Variants in ARPC4 observed in about 807,000 individuals in gnomAD.
ARPC4 encodes the protein actin related protein 2/3 complex subunit 4, also known as actin-related protein 2/3 complex subunit 4.
Under a neutral mutation model 22.8 loss-of-function variants are expected in ARPC4, and 3 were observed. The ratio of observed to expected loss-of-function variants is 0.13; its 90% CI spans 0.06 to 0.34. The LOEUF (loss-of-function observed/expected upper bound fraction) is 0.34, where lower values mean the gene tolerates loss of function less well. ARPC4 is among the 10% of genes least tolerant of loss of function. The pLI, the probability that ARPC4 is intolerant of heterozygous loss-of-function variation, is 1.00. For missense variants in ARPC4, 98 were observed against 211.0 expected (o/e 0.46, Z 3.32); for synonymous variants, 80 against 72.5 (o/e 1.10, Z -0.52).
upstream of ARPC4, chr3:9,792,875 T>A: frequency 7.2e-7 from 1 of 1,385,848 alleles, no homozygotes; most frequent in Non-Finnish European, 9.3e-7. Flanking sequence ...AAAGGGAAGC[T>A]GCACCCATTC....
At chr3:9,793,301 G>T (rs941570756) in intron 1 of ARPC4, 177 bp downstream of exon 1, 69 of 1,237,476 alleles carry the variant, frequency 5.6e-5, no homozygotes, top group East Asian at 5.4e-5. Context: ...AGGAAGGGGC[G>T]AGTGGGGGTA....
At position 9,797,791 on chromosome 3, in the gene ARPC4, A is replaced by G. The variant is rs776035806; in HGVS notation, c.122+14A>G. 5 of 1,612,446 alleles carry G rather than the reference A, an allele frequency of 3.1e-6. No homozygotes were observed. The Admixed American group carries it at 8.3e-5, about 27-fold the overall frequency. On this transcript the variant is annotated intron_variant, in intron 2 of 5. Coordinates refer to ENST00000397261, the MANE Select transcript of ARPC4 (RefSeq NM_005718.5). Reference sequence around the variant, plus strand: ...AGTGGAAGTCAGGTAGGGAAGGACAAGTCAAGGTGGGGATGAGGGGTGCAG... The same window carrying G: ...AGTGGAAGTCAGGTAGGGAAGGACAGGTCAAGGTGGGGATGAGGGGTGCAG...
At chr3:9,806,173 A>G (rs1047029034) in intron 5 of ARPC4, 37 bp from the exon 6 acceptor site, 1 of 1,612,832 alleles carries the variant, frequency 6.2e-7, no homozygotes. Context: ...GGATGCAATA[A>G]TAACCACCAT....
At chr3:9,796,774 T>C (rs2078900111) in intron 1 of ARPC4, among the ~76,000 whole-genome samples, 3 of 151,802 alleles carry the variant, frequency 2.0e-5, no homozygotes, top group Admixed American at 2.0e-4. Context: ...ACCCTGTCTC[T>C]ACTAAAAATA....
chr3:9,803,674 C>T, intron 4 of ARPC4, 169 bp from the exon 5 acceptor site: 1 of 815,216 alleles, frequency 1.2e-6, no homozygotes, highest in Non-Finnish European at 2.1e-6. Flanking sequence ...CCTAGACACC[C>T]TCCCCCAGAG....
At chr3:9,793,435 T>A (rs975795395) in intron 1 of ARPC4, among the ~76,000 whole-genome samples, 1 of 152,064 alleles carries the variant, frequency 6.6e-6, no homozygotes, top group Admixed American at 6.5e-5. Context: ...ATTTCGAGGG[T>A]ACGTAGTCGG....
In ARPC4 at chr3:9,806,839, C is replaced by G. The variant is rs1270129953; in HGVS notation, c.*624C>G. Reference sequence around the variant, plus strand: ...GGTGACCACCAGTCATGCCTAGGACCTGGGGCCCAAAAGCCGGGCAACCTC... The same window carrying G: ...GGTGACCACCAGTCATGCCTAGGACGTGGGGCCCAAAAGCCGGGCAACCTC... On this transcript the variant is annotated 3_prime_UTR_variant, in exon 6 of 6. Coordinates refer to ENST00000397261, the MANE Select transcript of ARPC4 (RefSeq NM_005718.5). 6.5e-6 allele frequency: 1 copy of G among 153,172 alleles called. No homozygotes were observed. Among genetic ancestry groups the G allele is most frequent in the African/African-American group, 2.4e-5 (1 of 41,466 alleles). The allele number at this position is 153,172 out of a possible 1,614,324, so 9.5% of individuals were successfully genotyped here. A position where few individuals can be genotyped will look rare whatever the true frequency, so the allele number is the denominator to read the frequency against.
chr3:9,802,398 C>T (rs1165312), intron 4 of ARPC4, among the ~76,000 whole-genome samples: 4 of 146,562 alleles, frequency 2.7e-5, no homozygotes, highest in South Asian at 2.2e-4. Flanking sequence ...TTCTTTGAGA[C>T]GGAGTCTCGC....
At chr3:9,796,516 GA>G (rs756130616) in intron 1 of ARPC4, among the ~76,000 whole-genome samples, 4 of 152,222 alleles carry the variant, frequency 2.6e-5, no homozygotes, top group Non-Finnish European at 5.9e-5. Flanking sequence ...TCTGGAGGAT[GA>G]CTTAGGCAAA....
At chr3:9,797,282 G>T (rs866604397) in intron 1 of ARPC4, among the ~76,000 whole-genome samples, 1 of 152,138 alleles carries the variant, frequency 6.6e-6, no homozygotes, top group African/African-American at 2.4e-5. Flanking sequence ...TTTGAGTCTC[G>T]ATAATTCTTT....
At chr3:9,794,324 C>G (rs891102357) in intron 1 of ARPC4, among the ~76,000 whole-genome samples, 1 of 152,082 alleles carries the variant, frequency 6.6e-6, no homozygotes, top group Non-Finnish European at 1.5e-5. Flanking sequence ...ACGGTGAAAC[C>G]TCTTCTCTAC....
chr3:9,804,230 C>G (rs1312149732), intron 5 of ARPC4: 1 of 486,770 alleles, frequency 2.1e-6, no homozygotes, highest in Non-Finnish European at 3.6e-6. Context: ...ATTTGGGTGT[C>G]TGGGGTGGCT....
At chr3:9,800,897 A>G (rs1046271355) in intron 3 of ARPC4, among the ~76,000 whole-genome samples, 1 of 152,150 alleles carries the variant, frequency 6.6e-6, no homozygotes. Flanking sequence ...ACCAGCAGCA[A>G]TAATCTTCCT....
rs559113765 is a variant in ARPC4, at chr3:9,803,765, A to C, written c.331-78A>C. 31 of 1,451,362 alleles carry C rather than the reference A, an allele frequency of 2.1e-5. No individual in the cohort carries two copies. In the African/African-American group the frequency reaches 3.5e-4, roughly 16 times the overall value. The allele number at this position is 1,451,362 out of a possible 1,614,324, so 89.9% of individuals were successfully genotyped here. On this transcript the variant is annotated intron_variant, in intron 4 of 5. Transcript: ENST00000397261. ...GGAAGCATGTGGATGAGTGGAGGAC[A>C]TGACCAGCTCAGTTCCCATGGGGTG...
At chr3:9,793,406 C>T (rs2078800135) in intron 1 of ARPC4, among the ~76,000 whole-genome samples, 1 of 152,164 alleles carries the variant, frequency 6.6e-6, no homozygotes, top group African/African-American at 2.4e-5. Flanking sequence ...GAAGTGGGGT[C>T]TCCTAGGCTC....
chr3:9,804,062 G>C (rs1559730171), intron 5 of ARPC4, 49 bp downstream of exon 5: 4 of 1,599,218 alleles, frequency 2.5e-6, no homozygotes, highest in Non-Finnish European at 3.4e-6. Flanking sequence ...GGATCTGGGG[G>C]TCATGTTGAG....
At chr3:9,804,229 T>C (rs1448525839) in intron 5 of ARPC4, 4 of 490,936 alleles carry the variant, frequency 8.1e-6, no homozygotes, top group Non-Finnish European at 1.4e-5. Context: ...TATTTGGGTG[T>C]CTGGGGTGGC....
At chr3:9,796,546 A>G (rs905116098) in intron 1 of ARPC4, among the ~76,000 whole-genome samples, 4 of 152,236 alleles carry the variant, frequency 2.6e-5, no homozygotes, top group Admixed American at 2.0e-4. Flanking sequence ...AGAAAAGCCT[A>G]CAGATAGATG....
At chr3:9,796,940 CAA>C (rs374104136) in intron 1 of ARPC4, among the ~76,000 whole-genome samples, 3 of 114,686 alleles carry the variant, frequency 2.6e-5, no homozygotes, top group Admixed American at 9.5e-5. Flanking sequence ...GACTCTGTCT[CAA>C]AAAAAAAAAA....
Sources: allele counts gnomAD v4.1 joint callset (sites outside exome capture counted in the v4.1 genomes callset), GRCh38; gene constraint gnomAD v4.1.1; transcripts MANE v1.5; gene names NCBI Gene and HGNC (gene_info 2026-07-23, HGNC 2026-07-21).